Variants in GDPD4 observed in about 807,000 individuals in gnomAD.
GDPD4 encodes glycerophosphodiester phosphodiesterase domain containing 4.
GDPD4 carries 60 observed loss-of-function variants against 67.8 expected under a neutral mutation model. That is an observed-to-expected ratio of 0.88 (90% CI 0.72 to 1.10). GDPD4 has a LOEUF of 1.10. GDPD4 is among the 50% of genes least tolerant of loss of function. The probability of loss-of-function intolerance (pLI) is 0.00; values close to 1 mark genes in which losing one functional copy is unlikely to be tolerated. For missense variants in GDPD4, 623 were observed against 613.9 expected (o/e 1.01, Z -0.16); for synonymous variants, 212 against 210.9 (o/e 1.00, Z -0.04).
chr11:77,283,307 G>T (rs1392712758), intron 3 of GDPD4, among the ~76,000 whole-genome samples: 1 of 152,194 alleles, frequency 6.6e-6, no homozygotes, highest in Non-Finnish European at 1.5e-5. Context: ...ACTGTCTAAT[G>T]AAAGTAATAT....
At chr11:77,218,640 T>C (rs1276290470) in intron 16 of GDPD4, among the ~76,000 whole-genome samples, 1 of 152,154 alleles carries the variant, frequency 6.6e-6, no homozygotes, top group Non-Finnish European at 1.5e-5. Flanking sequence ...ACATGCGGTG[T>C]TTGGTTTTCT....
rs1959007408 is a variant in GDPD4, at chr11:77,256,542, A to G, written c.864+1844T>C. On this transcript the variant is annotated intron_variant, in intron 11 of 16. Transcript: ENST00000315938. ...TGAATCTGAAGTGGAGTCTCAGTAG[A>G]TGATACAGTTTGGATATGTGTCTCC... Among the ~76,000 whole-genome samples, 3 of 152,350 alleles carry G rather than the reference A, an allele frequency of 2.0e-5. No homozygotes were observed. In the South Asian group the frequency reaches 6.2e-4, roughly 32 times the overall value.
chr11:77,300,720 A>C (rs1436220017), intron 1 of GDPD4, among the ~76,000 whole-genome samples: 1 of 152,234 alleles, frequency 6.6e-6, no homozygotes, highest in Non-Finnish European at 1.5e-5. Context: ...TTAAGAATAT[A>C]TCTTCTGACT....
At chr11:77,297,060 C>CAAAAAAAAAAAA (rs538534637) in intron 1 of GDPD4, among the ~76,000 whole-genome samples, 1 of 116,594 alleles carries the variant, frequency 8.6e-6, no homozygotes, top group African/African-American at 3.4e-5. Context: ...TCAAAAAAAA[C>CAAAAAAAAAAAA]AAAAAAAAAA....
intron 11 of GDPD4, among the ~76,000 whole-genome samples, chr11:77,258,045 A>T (rs1959038184): frequency 6.6e-6 from 1 of 152,222 alleles, no homozygotes; most frequent in African/African-American, 2.4e-5. Flanking sequence ...AGCAGAAAAA[A>T]TCAAAAATAT....
Position 77,217,273 on chromosome 11 carries a change from C to G in GDPD4, c.*4G>C. The G allele has an allele frequency of 6.2e-7, 1 of 1,603,324 alleles. No homozygotes were observed. Among genetic ancestry groups the G allele is most frequent in the Non-Finnish European group, 8.5e-7 (1 of 1,170,296 alleles). ...GTTTCATGGCTATGTGCAAATCTAT[C>G]TATCTATCTATCTTCCTCATTCTTA... is the stretch of plus-strand genomic sequence containing the variant. On this transcript the variant is annotated 3_prime_UTR_variant, in exon 17 of 17. Transcript: ENST00000315938.
intron 3 of GDPD4, among the ~76,000 whole-genome samples, chr11:77,281,980 A>T (rs958958985): frequency 1.3e-5 from 2 of 152,110 alleles, no homozygotes; most frequent in African/African-American, 4.8e-5. Flanking sequence ...AAGAGCAATA[A>T]AAAAAAGTAA....
chr11:77,245,075 GA>G (rs1432240760), intron 12 of GDPD4, among the ~76,000 whole-genome samples: 9 of 152,118 alleles, frequency 5.9e-5, no homozygotes, highest in Admixed American at 3.9e-4. Context: ...CAGCCTCAAT[GA>G]TTTTCCCCAC....
rs759953230 is a variant in GDPD4 at position 77,269,839 on chromosome 11, A to G, written c.478+44T>C. The stretch of plus-strand genomic sequence containing the variant: ...CCCATTTGTACATTTTCAAGTTACC[A>G]CCTTTGCTTTAGTGACTTTCAAATC... On this transcript the variant is annotated intron_variant, in intron 8 of 16. Transcript: ENST00000315938. The G allele has an allele frequency of 3.8e-6, 4 of 1,042,190 alleles. No homozygotes were observed. The African/African-American group carries it at 6.4e-5, about 17-fold the overall frequency. The allele number at this position is 1,042,190 out of a possible 1,614,324, so 64.6% of individuals were successfully genotyped here.
In GDPD4 at chr11:77,254,361, T is replaced by C. The variant is rs111524444; in HGVS notation, c.864+4025A>G. On this transcript the variant is annotated intron_variant, in intron 11 of 16. Transcript: ENST00000315938. ...GGCAGGGTCCTGTTGTTTCCTTCCA[T>C]TCTCTATGTGGGTCTCCTGAGTTTC... is the stretch of plus-strand genomic sequence containing the variant. 3.4e-3 allele frequency among the ~76,000 whole-genome samples: 511 copies of C among 152,314 alleles called. 1 individual carries two copies. Among genetic ancestry groups the C allele is most frequent in the African/African-American group, 0.011 (474 of 41,568 alleles).
intron 5 of GDPD4, among the ~76,000 whole-genome samples, chr11:77,272,767 C>T (rs1959275373): frequency 6.6e-6 from 1 of 150,888 alleles, no homozygotes; most frequent in Non-Finnish European, 1.5e-5. Context: ...CGGAGTGAGA[C>T]TCTGCCTCAA....
intron 13 of GDPD4, among the ~76,000 whole-genome samples, chr11:77,236,145 TA>T (rs1436498634): frequency 6.6e-6 from 1 of 152,128 alleles, no homozygotes; most frequent in Non-Finnish European, 1.5e-5. Flanking sequence ...ATATGTGAAC[TA>T]AATTTTTTTT....
chr11:77,271,367 C>G lies in GDPD4; in HGVS notation c.234G>C (p.Leu78=). 2 of 1,613,168 alleles carry G rather than the reference C, an allele frequency of 1.2e-6. No homozygotes were observed. Among genetic ancestry groups the G allele is most frequent in the Non-Finnish European group, 1.7e-6 (2 of 1,179,226 alleles). Residue 78 remains leucine, a synonymous_variant, in exon 6 of 17, where the codon CTG becomes CTC. Transcript: ENST00000315938. ...ATATAATGAACATTAAAATGACACA[C>G]AGAAGAATCACTAGCAGAATCAGGA... is the stretch of plus-strand genomic sequence containing the variant. The part of the protein sequence containing the change: ...HKILILLVIL[L]CVILMFIICK...
chr11:77,283,851 A>ATTTTTTTT (rs71272229), intron 3 of GDPD4, among the ~76,000 whole-genome samples: 12 of 124,542 alleles, frequency 9.6e-5, no homozygotes, highest in African/African-American at 3.2e-4. Context: ...GACATAATGA[A>ATTTTTTTT]TTTTTTTTTT....
intron 11 of GDPD4, among the ~76,000 whole-genome samples, chr11:77,253,134 A>T (rs116795219): frequency 6.4e-4 from 98 of 152,308 alleles, no homozygotes; most frequent in African/African-American, 2.3e-3. Context: ...ACCCCTTAGC[A>T]GCTTGAGTCC....
intron 3 of GDPD4, among the ~76,000 whole-genome samples, chr11:77,280,653 T>C (rs1017213174): frequency 8.5e-5 from 13 of 152,244 alleles, no homozygotes; most frequent in Non-Finnish European, 1.9e-4. Flanking sequence ...TCAGATCACA[T>C]GTAAATATTA....
chr11:77,287,812 C>T (rs1369598765), intron 1 of GDPD4, among the ~76,000 whole-genome samples: 5 of 152,190 alleles, frequency 3.3e-5, no homozygotes, highest in African/African-American at 1.2e-4. Context: ...AAAATACCAT[C>T]GTTGACTAAT....
At position 77,283,401 on chromosome 11, in the gene GDPD4, C is replaced by T. The variant is rs116445295; in HGVS notation, c.53+1684G>A. ...ATTTTTGCTGTCTTGTGGTAAGCCC[C>T]AGGACTTTGATACCACTCAAGGGAT... On this transcript the variant is annotated intron_variant, in intron 3 of 16. Coordinates refer to ENST00000315938, the MANE Select transcript of GDPD4 (RefSeq NM_182833.3). Among the ~76,000 whole-genome samples the T allele has an allele frequency of 3.4e-3, 511 of 152,218 alleles. 5 individuals are homozygous for T. The highest frequency in any genetic ancestry group is 0.011 in the African/African-American group (473 of 41,538).
chr11:77,265,807 TG>T (rs1324682714), intron 10 of GDPD4, among the ~76,000 whole-genome samples: 17 of 152,254 alleles, frequency 1.1e-4, no homozygotes, highest in Admixed American at 3.3e-4. Context: ...CCTTTTAAAG[TG>T]GGAGCCACTT....
Sources: allele counts gnomAD v4.1 joint callset (sites outside exome capture counted in the v4.1 genomes callset), GRCh38; gene constraint gnomAD v4.1.1; transcripts MANE v1.5; gene names NCBI Gene and HGNC (gene_info 2026-07-23, HGNC 2026-07-21).